The following SLC9A1 variants were observed in gnomAD, a reference collection of about 807,000 sequenced individuals.
The protein encoded by SLC9A1 is sodium/hydrogen exchanger 1.
In SLC9A1, 22 loss-of-function variants were observed where a neutral mutation model predicts 67.9. That is an observed-to-expected ratio of 0.32 (90% confidence interval 0.23 to 0.46). The LOEUF is 0.46. Among genes scored for constraint, SLC9A1 ranks in the 20% least tolerant of loss-of-function variants. SLC9A1 has a pLI of 1.00. For missense variants in SLC9A1, 686 were observed against 1,094.8 expected, an observed-to-expected ratio of 0.63 and a Z score of 5.27; for synonymous variants, 421 against 471.8, an observed-to-expected ratio of 0.89 and a Z score of 1.40.
Position 27,098,970 on chromosome 1 carries a change from T to G in SLC9A1, c.*1337A>C, listed in dbSNP as rs2083117466. ...AACAGCACTTGCATGGAGAGGAGGA[T>G]GGACAGATGGGCCGAGGACCCATGG... On this transcript the variant is annotated 3_prime_UTR_variant, in exon 12 of 12. Transcript: ENST00000263980. 1 of 152,600 alleles carries G rather than the reference T, an allele frequency of 6.6e-6. No individual in the cohort carries two copies. Among genetic ancestry groups the G allele is most frequent in the Admixed American group, 6.5e-5 (1 of 15,270 alleles). The allele number at this position is 152,600 out of a possible 1,614,324, so 9.5% of individuals were successfully genotyped here.
At position 27,154,317 on chromosome 1, in the gene SLC9A1, G is replaced by A; in HGVS notation, c.18C>T (p.Gly6=). The change falls in exon 1 of 12, where the codon GGC becomes GGT. Residue 6 remains glycine (G), a synonymous_variant. Transcript: ENST00000263980. MVLRS[G]ICGLSPHRIF... The stretch of plus-strand genomic sequence containing the variant: ...TCCGATGTGGAGAGAGGCCACAGAT[G>A]CCAGACCGCAGAACCATGGTGCTGC... The A allele has an allele frequency of 6.3e-7, 1 of 1,596,596 alleles. No homozygotes were observed. Among genetic ancestry groups the A allele is most frequent in the Non-Finnish European group, 8.6e-7 (1 of 1,169,456 alleles).
At chr1:27,144,245 G>A (rs199582778) in intron 1 of SLC9A1, among the ~76,000 whole-genome samples, 1 of 152,126 alleles carries the variant, frequency 6.6e-6, no homozygotes, top group East Asian at 1.9e-4. Context: ...TTTACGGCTT[G>A]AGGAATCTTC....
At chr1:27,125,244 T>TC (rs1242137209) in intron 1 of SLC9A1, among the ~76,000 whole-genome samples, 62 of 131,446 alleles carry the variant, frequency 4.7e-4, no homozygotes, top group Middle Eastern at 3.6e-3. Context: ...TTTCTTTTTT[T>TC]TTTTTTTTTT....
At chr1:27,149,448 C>T (rs546327187) in intron 1 of SLC9A1, among the ~76,000 whole-genome samples, 3 of 152,330 alleles carry the variant, frequency 2.0e-5, no homozygotes, top group African/African-American at 7.2e-5. Flanking sequence ...TCTGTAGATA[C>T]TAAGTGGCAA....
At position 27,154,478 on chromosome 1, in the gene SLC9A1, G is replaced by A. The variant is rs2083552899; in HGVS notation, c.-144C>T. The A allele has an allele frequency of 1.9e-6, 1 of 536,528 alleles. No homozygotes were observed. The highest frequency in any genetic ancestry group is 3.8e-5 in the Admixed American group (1 of 26,566). The allele number at this position is 536,528 out of a possible 1,614,324, so 33.2% of individuals were successfully genotyped here. A position where few individuals can be genotyped will look rare whatever the true frequency, so the allele number is the denominator to read the frequency against. On this transcript the variant is annotated 5_prime_UTR_variant, in exon 1 of 12. Coordinates refer to ENST00000263980, the MANE Select transcript of SLC9A1 (RefSeq NM_003047.5). ...GTTTTAGAGAGGCATTTCCATGGAAGCAATTTTCTGGGGGTGGAGGGAGGC... is the reference window on the plus strand; with the variant it reads ...GTTTTAGAGAGGCATTTCCATGGAAACAATTTTCTGGGGGTGGAGGGAGGC...
At chr1:27,152,573 G>C (rs982894413) in intron 1 of SLC9A1, among the ~76,000 whole-genome samples, 2 of 152,166 alleles carry the variant, frequency 1.3e-5, no homozygotes, top group Non-Finnish European at 2.9e-5. Flanking sequence ...GCTATTCAAG[G>C]TCATGCATTT....
intron 1 of SLC9A1, among the ~76,000 whole-genome samples, chr1:27,142,462 A>G (rs1429411463): frequency 4.6e-5 from 7 of 152,236 alleles, no homozygotes; most frequent in African/African-American, 1.7e-4. Flanking sequence ...GAGAACAGAG[A>G]ACAGGGACCT....
chr1:27,132,887 A>G (rs1461034553), intron 1 of SLC9A1, among the ~76,000 whole-genome samples: 1 of 152,176 alleles, frequency 6.6e-6, no homozygotes, highest in Non-Finnish European at 1.5e-5. Context: ...CTGGAGCACC[A>G]GGAGCCATTT....
chr1:27,149,660 C>A (rs1278797545), intron 1 of SLC9A1, among the ~76,000 whole-genome samples: 1 of 152,200 alleles, frequency 6.6e-6, no homozygotes, highest in Non-Finnish European at 1.5e-5. Context: ...GGGCACTCTA[C>A]CAGGCATTCC....
intron 1 of SLC9A1, among the ~76,000 whole-genome samples, chr1:27,123,972 G>A (rs2083323747): frequency 6.6e-6 from 1 of 152,174 alleles, no homozygotes; most frequent in Non-Finnish European, 1.5e-5. Flanking sequence ...GATTACAGGT[G>A]TGTGCCACGC....
chr1:27,117,107 GAGATCAGTC>G (rs1274217862), intron 1 of SLC9A1, among the ~76,000 whole-genome samples: 1 of 151,988 alleles, frequency 6.6e-6, no homozygotes, highest in East Asian at 1.9e-4. Context: ...GGCACCCACC[GAGATCAGTC>G]AGACAACCCA....
intron 1 of SLC9A1, among the ~76,000 whole-genome samples, chr1:27,142,743 G>A (rs2083460147): frequency 6.6e-6 from 1 of 152,222 alleles, no homozygotes. Flanking sequence ...GCACAGTGTA[G>A]GCGGAGCATG....
intron 1 of SLC9A1, among the ~76,000 whole-genome samples, chr1:27,148,985 T>G (rs189152350): frequency 1.1e-3 from 167 of 152,294 alleles, no homozygotes; most frequent in African/African-American, 3.5e-3. Flanking sequence ...GGAAGAGAGA[T>G]AGCAGGCAGG....
At chr1:27,107,604 A>C (rs1435405370) in intron 4 of SLC9A1, 44 bp downstream of exon 4, 9 of 1,363,150 alleles carry the variant, frequency 6.6e-6, no homozygotes, top group East Asian at 2.5e-5. Flanking sequence ...CCCCACACAC[A>C]CCCCACACCA....
rs1240833322 is a variant in SLC9A1, at chr1:27,154,958, G to C, written c.-624C>G. Reference sequence around the variant, plus strand: ...AAAGAGGCGGAAGGCAGGCGGCCTGGCGGGAAGGCGCCTCGGCGCGGGCTG... The same window carrying C: ...AAAGAGGCGGAAGGCAGGCGGCCTGCCGGGAAGGCGCCTCGGCGCGGGCTG... On this transcript the variant is annotated 5_prime_UTR_variant, in exon 1 of 12. Coordinates refer to ENST00000263980, the MANE Select transcript of SLC9A1 (RefSeq NM_003047.5). 6.6e-6 allele frequency: 1 copy of C among 152,308 alleles called. No homozygotes were observed. The highest frequency in any genetic ancestry group is 2.4e-5 in the African/African-American group (1 of 41,436). 9.4% of individuals were successfully genotyped at this position (152,308 alleles called of 1,614,324 possible). A position where few individuals can be genotyped will look rare whatever the true frequency, so the allele number is the denominator to read the frequency against.
rs189985978 is a variant in SLC9A1 at position 27,113,501 on chromosome 1, T to C, written c.813+325A>G. 3.9e-5 allele frequency among the ~76,000 whole-genome samples: 6 copies of C among 152,214 alleles called. No individual in the cohort carries two copies. In the East Asian group the frequency reaches 9.7e-4, roughly 24 times the overall value. Reference sequence around the variant, plus strand: ...CAAGTCAAGGAGGGAGCATATAACCTAGCAAAACCAAGAGCTTAGGCCCTG... The same window carrying C: ...CAAGTCAAGGAGGGAGCATATAACCCAGCAAAACCAAGAGCTTAGGCCCTG... On this transcript the variant is annotated intron_variant, in intron 2 of 11. Coordinates refer to ENST00000263980, the MANE Select transcript of SLC9A1 (RefSeq NM_003047.5).
At chr1:27,147,162 T>C (rs6683208) in intron 1 of SLC9A1, among the ~76,000 whole-genome samples, 47,035 of 151,312 alleles carry the variant, frequency 0.31, 7,704 homozygotes, top group Non-Finnish European at 0.36. Flanking sequence ...TAGCCAGGCA[T>C]GATGGTTGGT....
Position 27,114,011 on chromosome 1 carries a change from C to T in SLC9A1, c.628G>A (p.Ala210Thr), listed in dbSNP as rs758255618. ...NAFFLGGLMYAVCLVGGEQIN... is the reference protein window; with the variant it reads ...NAFFLGGLMYTVCLVGGEQIN... ...TGCTCACCGCCCACCAGGCACACGG[C>T]GTACATGAGGCCGCCCAGGAAGAAG... is the stretch of plus-strand genomic sequence containing the variant. The change falls in exon 2 of 12, where the codon GCC becomes ACC. Residue 210 changes from alanine (A) to threonine (T), a missense_variant. Ala to Thr is a moderately conservative substitution (Grantham distance 58). This residue lies in a region of SLC9A1 where 49 missense variants were observed against 73.1 expected (regional missense o/e 0.67). Coordinates refer to ENST00000263980, the MANE Select transcript of SLC9A1 (RefSeq NM_003047.5). This position sits in a 1 kb window ranked among gnomAD's most constrained non-coding sequence, Gnocchi z 5.4. 1.1e-4 allele frequency: 170 copies of T among 1,614,026 alleles called. No homozygotes were observed. The highest frequency in any genetic ancestry group is 1.4e-4 in the Non-Finnish European group (167 of 1,180,052).
chr1:27,155,063 C>G lies in SLC9A1; in HGVS notation c.-729G>C, dbSNP rs1384058113. On this transcript the variant is annotated 5_prime_UTR_variant, in exon 1 of 12. Transcript: ENST00000263980. The surrounding 1 kb of genome is among the most constrained non-coding windows in gnomAD (Gnocchi z 4.5). ...GACGCGGCGCTCCGCCCCGGCCCAG[C>G]TGCAGCTCCTCCTGGTCCAGCTCCA... is the stretch of plus-strand genomic sequence containing the variant. Among the ~76,000 whole-genome samples the G allele has an allele frequency of 6.6e-6, 1 of 152,056 alleles. No homozygotes were observed. Among genetic ancestry groups the G allele is most frequent in the African/African-American group, 2.4e-5 (1 of 41,422 alleles).
Sources: allele counts gnomAD v4.1 joint callset (sites outside exome capture counted in the v4.1 genomes callset), GRCh38; gene constraint gnomAD v4.1.1; regional missense constraint gnomAD v4.1.1; non-coding constraint Gnocchi (gnomAD v3.1); transcripts MANE v1.5; gene names NCBI Gene and HGNC (gene_info 2026-07-23, HGNC 2026-07-21).